Variants in TMOD2 observed in about 807,000 individuals in gnomAD.
TMOD2 encodes tropomodulin 2, also known as tropomodulin-2.
In TMOD2, 22 loss-of-function variants were observed where a neutral mutation model predicts 39.9. The ratio of observed to expected loss-of-function variants is 0.55; its 90% CI spans 0.39 to 0.79. The LOEUF (loss-of-function observed/expected upper bound fraction) is 0.79. Ranked by LOEUF, TMOD2 falls within the 30% of genes least tolerant of loss-of-function variation. The pLI is 0.00. For synonymous variants in TMOD2, 123 were observed against 146.1 expected, an observed-to-expected ratio of 0.84 and a Z score of 1.14; for missense variants, 386 against 413.3, an observed-to-expected ratio of 0.93 and a Z score of 0.57.
rs78264427 is a variant in TMOD2 at position 51,774,298 on chromosome 15, A to C, written c.406+464A>C. ...ACATGATAATAATTATTATTATTTA[A>C]AATGCAGATAGAAAAAGGTCAAAGA... On this transcript the variant is annotated intron_variant, in intron 4 of 9. Coordinates refer to ENST00000249700, the MANE Select transcript of TMOD2 (RefSeq NM_014548.4). 3.3e-5 allele frequency among the ~76,000 whole-genome samples: 5 copies of C among 152,350 alleles called. No homozygotes were observed. The East Asian group carries it at 9.6e-4, about 29-fold the overall frequency.
intron 9 of TMOD2, 50 bp from the exon 10 acceptor site, chr15:51,808,370 T>G: frequency 3.4e-6 from 5 of 1,470,548 alleles, no homozygotes; most frequent in Non-Finnish European, 3.8e-6. Context: ...ATCTGGAATT[T>G]AAGGAATATC....
At chr15:51,783,689 G>A (rs985274611) in intron 7 of TMOD2, 2 of 151,982 alleles carry the variant, frequency 1.3e-5, no homozygotes, top group African/African-American at 4.8e-5. Flanking sequence ...AGGAGTTCTA[G>A]GCTGCAGTGA....
In TMOD2 at chr15:51,758,830, G is replaced by A. The variant is rs73407328; in HGVS notation, c.-70+7118G>A. Among the ~76,000 whole-genome samples the A allele has an allele frequency of 9.2e-3, 1,400 of 152,240 alleles. 13 individuals carry two copies. The highest frequency in any genetic ancestry group is 0.018 in the African/African-American group (762 of 41,538). ...GGATAGCAGTCAGCCAGAGGGGAGTGGGGTGAGAGTGTTCTGAGCAGAGAG... is the reference window on the plus strand; with the variant it reads ...GGATAGCAGTCAGCCAGAGGGGAGTAGGGTGAGAGTGTTCTGAGCAGAGAG... On this transcript the variant is annotated intron_variant, in intron 1 of 9. Coordinates refer to ENST00000249700, the MANE Select transcript of TMOD2 (RefSeq NM_014548.4).
chr15:51,786,282 G>A (rs117199289), intron 7 of TMOD2, among the ~76,000 whole-genome samples: 3,972 of 152,114 alleles, frequency 0.026, 131 homozygotes, highest in Admixed American at 0.075. Context: ...GGTTTTCTTC[G>A]TTGTCACTGT....
chr15:51,759,098 G>A (rs1281068021), intron 1 of TMOD2, among the ~76,000 whole-genome samples: 2 of 152,250 alleles, frequency 1.3e-5, no homozygotes, highest in African/African-American at 4.8e-5. Context: ...AGGGTTGAAT[G>A]TGGACAATGC....
intron 4 of TMOD2, 54 bp downstream of exon 4, chr15:51,773,888 G>T: frequency 6.5e-7 from 1 of 1,549,690 alleles, no homozygotes; most frequent in African/African-American, 1.4e-5. Context: ...CTCCGAGCAT[G>T]CACTGGCACC....
At chr15:51,775,565 TTTTCC>T (rs1418550048) in intron 4 of TMOD2, among the ~76,000 whole-genome samples, 28 of 121,270 alleles carry the variant, frequency 2.3e-4, no homozygotes, top group South Asian at 9.8e-4. Flanking sequence ...GACAAATTCT[TTTTCC>T]TTTTTTTTTT....
rs554915659 is a variant in TMOD2 at position 51,780,859 on chromosome 15, C to G, written c.494-185C>G. ...TCTCATTGCAGTTGAGAAACACCAGCCTTCCAAGCTGTGACTCATAGCTAT... is the reference window on the plus strand; with the variant it reads ...TCTCATTGCAGTTGAGAAACACCAGGCTTCCAAGCTGTGACTCATAGCTAT... On this transcript the variant is annotated intron_variant, in intron 5 of 9. Transcript: ENST00000249700. Among the ~76,000 whole-genome samples the G allele has an allele frequency of 2.0e-5, 3 of 152,282 alleles. No individual in the cohort carries two copies. The East Asian group carries it at 5.8e-4, about 29-fold the overall frequency.
chr15:51,765,319 C>T (rs534737715), intron 1 of TMOD2, among the ~76,000 whole-genome samples: 3 of 152,230 alleles, frequency 2.0e-5, no homozygotes, highest in South Asian at 2.1e-4. Flanking sequence ...TGTTTTTAAA[C>T]CTACTTTATA....
intron 8 of TMOD2, among the ~76,000 whole-genome samples, chr15:51,799,665 C>T (rs930363163): frequency 6.6e-6 from 1 of 152,108 alleles, no homozygotes; most frequent in East Asian, 1.9e-4. Context: ...TCAGGAAGTT[C>T]GATGCTGTGT....
chr15:51,788,164 T>C (rs1453848932), intron 7 of TMOD2, among the ~76,000 whole-genome samples: 2 of 152,094 alleles, frequency 1.3e-5, no homozygotes, highest in African/African-American at 4.8e-5. Context: ...CTGATGGAGC[T>C]GAAAACCACA....
rs779987685 is a variant in TMOD2 at position 51,810,205 on chromosome 15, C to G, written c.*1751C>G. 1.3e-5 allele frequency: 2 copies of G among 152,154 alleles called. No individual in the cohort carries two copies. The highest frequency in any genetic ancestry group is 2.9e-5 in the Non-Finnish European group (2 of 68,036). The allele number at this position is 152,154 out of a possible 1,614,324, so 9.4% of individuals were successfully genotyped here. A position where few individuals can be genotyped will look rare whatever the true frequency, so the allele number is the denominator to read the frequency against. ...TGTGATGTGTTGGAGTCAACTTGTA[C>G]AGGCTTGCCAACTGTTATATTTTCA... On this transcript the variant is annotated 3_prime_UTR_variant, in exon 10 of 10. Transcript: ENST00000249700.
At chr15:51,777,124 G>C (rs1045389811) in intron 5 of TMOD2, 106 bp downstream of exon 5, 1 of 924,762 alleles carries the variant, frequency 1.1e-6, no homozygotes, top group Non-Finnish European at 1.7e-6. Context: ...CTGTCATTTT[G>C]CTAGGATCAC....
chr15:51,812,392 A>C lies in TMOD2; in HGVS notation c.*3938A>C, dbSNP rs576404065. ...GCCATGAGAACATTTCAGATGCTCA[A>C]ACTGAAAATTCTTAAAACCAATATT... is the stretch of plus-strand genomic sequence containing the variant. On this transcript the variant is annotated 3_prime_UTR_variant, in exon 10 of 10. Transcript: ENST00000249700. The C allele has an allele frequency of 6.6e-6, 1 of 152,348 alleles. No individual in the cohort carries two copies. Among genetic ancestry groups the C allele is most frequent in the South Asian group, 2.1e-4 (1 of 4,824 alleles). The allele number at this position is 152,348 out of a possible 1,614,324, so 9.4% of individuals were successfully genotyped here. A position where few individuals can be genotyped will look rare whatever the true frequency, so the allele number is the denominator to read the frequency against.
At position 51,753,931 on chromosome 15, in the gene TMOD2, G is replaced by A. The variant is rs559698548; in HGVS notation, c.-70+2219G>A. Among the ~76,000 whole-genome samples, 3 of 152,154 alleles carry A rather than the reference G, an allele frequency of 2.0e-5. No homozygotes were observed. In the South Asian group the frequency reaches 6.2e-4, roughly 32 times the overall value. On this transcript the variant is annotated intron_variant, in intron 1 of 9. Transcript: ENST00000249700. ...GGGGAAGTCAATAAAATAAATAAGC[G>A]AATAAAGAGAAAGTGTTGTAGAAGA...
intron 7 of TMOD2, among the ~76,000 whole-genome samples, chr15:51,794,887 T>C (rs914881974): frequency 2.0e-5 from 3 of 152,212 alleles, no homozygotes; most frequent in African/African-American, 7.2e-5. Context: ...GCTTTATACA[T>C]TTTCTGTAAT....
At chr15:51,755,250 C>T (rs1352265563) in intron 1 of TMOD2, among the ~76,000 whole-genome samples, 4 of 152,236 alleles carry the variant, frequency 2.6e-5, no homozygotes, top group African/African-American at 9.6e-5. Context: ...GAAATAGCCA[C>T]CTTTCCTCCC....
intron 2 of TMOD2, chr15:51,766,808 G>A (rs11630943): frequency 0.41 from 128,598 of 316,582 alleles, 26,656 homozygotes; most frequent in Admixed American, 0.46. Flanking sequence ...AATATTTTCC[G>A]TTGGTTGAGA....
At chr15:51,762,695 C>A (rs1035794908) in intron 1 of TMOD2, among the ~76,000 whole-genome samples, 2 of 152,174 alleles carry the variant, frequency 1.3e-5, no homozygotes, top group Non-Finnish European at 2.9e-5. Context: ...TCATTCCTCT[C>A]ATCAGCCCCT....
Sources: allele counts gnomAD v4.1 joint callset (sites outside exome capture counted in the v4.1 genomes callset), GRCh38; gene constraint gnomAD v4.1.1; transcripts MANE v1.5; gene names NCBI Gene and HGNC (gene_info 2026-07-23, HGNC 2026-07-21).